Variants in GALNT13 observed in about 807,000 individuals in gnomAD.
GALNT13 encodes UDP-GalNAc:polypeptide N-acetylgalactosaminyltransferase 13.
Under a neutral mutation model 64.2 loss-of-function variants are expected in GALNT13, and 28 were observed. That is an observed-to-expected ratio of 0.44 (90% confidence interval 0.32 to 0.60). GALNT13 has a LOEUF of 0.60. Ranked by LOEUF, GALNT13 falls within the 20% of genes least tolerant of loss-of-function variation. The pLI, the probability that GALNT13 is intolerant of heterozygous loss-of-function variation, is 0.05. For synonymous variants in GALNT13, 214 were observed against 224.6 expected, an observed-to-expected ratio of 0.95 and a Z score of 0.42; for missense variants, 577 against 669.8, an observed-to-expected ratio of 0.86 and a Z score of 1.53.
the GALNT13 span, among the ~76,000 whole-genome samples, chr2:153,364,087 T>C: frequency 3.9e-5 from 6 of 152,074 alleles, no homozygotes; most frequent in Non-Finnish European, 8.8e-5. Context: ...GTTCAACCTA[T>C]GCAAATAAAT....
chr2:154,116,032 G>A (rs1428210879), intron 3 of GALNT13, among the ~76,000 whole-genome samples: 1 of 152,170 alleles, frequency 6.6e-6, no homozygotes, highest in East Asian at 1.9e-4. Context: ...GGCTTGTGAA[G>A]ATAATCAACA....
intron 3 of GALNT13, among the ~76,000 whole-genome samples, chr2:153,994,100 GT>G (rs965017297): frequency 4.6e-5 from 7 of 151,998 alleles, no homozygotes; most frequent in African/African-American, 1.7e-4. Context: ...AGTGTGTGAT[GT>G]TCCCCTTCCT....
At chr2:153,484,474 G>C in the GALNT13 span, among the ~76,000 whole-genome samples, 1 of 152,070 alleles carries the variant, frequency 6.6e-6, no homozygotes. Context: ...TTTAGGATGA[G>C]TTTACAAATT....
chr2:153,403,726 A>G, the GALNT13 span, among the ~76,000 whole-genome samples: 3 of 152,116 alleles, frequency 2.0e-5, no homozygotes, highest in African/African-American at 4.8e-5. Context: ...TTTGACTCGG[A>G]AAGGGAACTC....
chr2:154,263,918 T>C (rs1690838402), intron 8 of GALNT13, among the ~76,000 whole-genome samples: 1 of 152,180 alleles, frequency 6.6e-6, no homozygotes, highest in African/African-American at 2.4e-5. Context: ...CCCTGAGAGA[T>C]GGGAAACAAA....
At chr2:153,325,395 T>G in the GALNT13 span, among the ~76,000 whole-genome samples, 2 of 152,130 alleles carry the variant, frequency 1.3e-5, no homozygotes, top group Non-Finnish European at 2.9e-5. Flanking sequence ...CTTTTCTTCT[T>G]TATTCATTTG....
chr2:153,970,179 A>G (rs1481029792), intron 3 of GALNT13, among the ~76,000 whole-genome samples: 1 of 152,186 alleles, frequency 6.6e-6, no homozygotes, highest in Admixed American at 6.5e-5. Context: ...TTCTTTTGTA[A>G]AGATACTCCA....
chr2:153,191,121 T>G, the GALNT13 span, among the ~76,000 whole-genome samples: 2 of 152,106 alleles, frequency 1.3e-5, no homozygotes, highest in Non-Finnish European at 2.9e-5. Context: ...TGACTAGGAA[T>G]AGTGAAAATG....
At chr2:153,306,315 T>C in the GALNT13 span, among the ~76,000 whole-genome samples, 1 of 152,222 alleles carries the variant, frequency 6.6e-6, no homozygotes, top group Admixed American at 6.5e-5. Context: ...TAACTTCAGC[T>C]TCTTTTTTTT....
chr2:153,916,053 A>G (rs982555205), intron 2 of GALNT13, among the ~76,000 whole-genome samples: 17 of 152,168 alleles, frequency 1.1e-4, no homozygotes, highest in African/African-American at 4.1e-4. Context: ...GATAGGAATT[A>G]CATTGAGGTG....
the GALNT13 span, among the ~76,000 whole-genome samples, chr2:153,726,621 G>C: frequency 1.3e-5 from 2 of 151,952 alleles, no homozygotes; most frequent in African/African-American, 2.4e-5. Context: ...CACGTCATTT[G>C]GCTCATGTAC....
intron 2 of GALNT13, among the ~76,000 whole-genome samples, chr2:153,924,846 A>G (rs1219344708): frequency 6.6e-6 from 1 of 151,900 alleles, no homozygotes; most frequent in Admixed American, 6.6e-5. Flanking sequence ...TGTTGGCCAC[A>G]TGTATGTTTT....
chr2:153,320,469 G>A, the GALNT13 span, among the ~76,000 whole-genome samples: 13 of 152,168 alleles, frequency 8.5e-5, no homozygotes, highest in South Asian at 1.2e-3. Flanking sequence ...TGAGGTCATT[G>A]CTTCATAAAA....
downstream of GALNT13, among the ~76,000 whole-genome samples, chr2:154,454,161 C>G (rs1346855286): frequency 6.6e-6 from 1 of 152,012 alleles, no homozygotes; most frequent in Non-Finnish European, 1.5e-5. Flanking sequence ...GGAATAAACA[C>G]AGAGATTTTT....
At chr2:153,811,712 C>G in the GALNT13 span, among the ~76,000 whole-genome samples, 4 of 152,112 alleles carry the variant, frequency 2.6e-5, no homozygotes, top group Non-Finnish European at 4.4e-5. Context: ...TTAGAGCTCA[C>G]AATTGAAACC....
the GALNT13 span, among the ~76,000 whole-genome samples, chr2:153,811,415 C>A: frequency 6.6e-6 from 1 of 152,176 alleles, no homozygotes; most frequent in Non-Finnish European, 1.5e-5. Context: ...GAAACTGAAT[C>A]AAATTTAAAG....
the GALNT13 span, among the ~76,000 whole-genome samples, chr2:153,359,226 A>C: frequency 6.6e-6 from 1 of 152,216 alleles, no homozygotes; most frequent in African/African-American, 2.4e-5. Flanking sequence ...TTGCCAGATC[A>C]AAGGGTATAT....
intron 9 of GALNT13, among the ~76,000 whole-genome samples, chr2:154,330,687 A>T (rs750617518): frequency 6.6e-6 from 1 of 152,068 alleles, no homozygotes; most frequent in Non-Finnish European, 1.5e-5. Context: ...GGATATTAAC[A>T]TTTCACTCAG....
chr2:153,199,782 A>G, the GALNT13 span, among the ~76,000 whole-genome samples: 291 of 152,366 alleles, frequency 1.9e-3, 3 homozygotes, highest in African/African-American at 6.6e-3. Context: ...CCTGCATACT[A>G]TAAAGACTTT....
Sources: gnomAD v4.1 joint callset for allele counts (sites outside exome capture counted in the v4.1 genomes callset) on GRCh38, gnomAD v4.1.1 for gene constraint, MANE v1.5 for transcripts, NCBI Gene and HGNC (gene_info 2026-07-23, HGNC 2026-07-21) for gene names.